ELOVL6: variants seen among roughly 807,000 people sequenced by gnomAD.
The protein encoded by ELOVL6 is ELOVL fatty acid elongase 6, also known as very long chain fatty acid elongase 6.
Under a neutral mutation model 31.7 loss-of-function variants are expected in ELOVL6, and 8 were observed. The ratio of observed to expected loss-of-function variants is 0.25; its 90% CI spans 0.15 to 0.45. ELOVL6 has a LOEUF of 0.45. Ranked by LOEUF, ELOVL6 falls within the 20% of genes least tolerant of loss-of-function variation. ELOVL6 has a pLI of 1.00. For missense variants in ELOVL6, 126 were observed against 326.4 expected (o/e 0.39, Z 4.73); for synonymous variants, 101 against 117.7 (o/e 0.86, Z 0.92).
At chr4:110,175,857 T>C (rs1028701775) in intron 1 of ELOVL6, among the ~76,000 whole-genome samples, 26 of 152,208 alleles carry the variant, frequency 1.7e-4, no homozygotes, top group African/African-American at 6.0e-4. Flanking sequence ...TGATGAATGA[T>C]AGATTCCAGT....
At chr4:110,163,543 G>C (rs1363211524) in intron 1 of ELOVL6, among the ~76,000 whole-genome samples, 1 of 152,158 alleles carries the variant, frequency 6.6e-6, no homozygotes, top group East Asian at 1.9e-4. Flanking sequence ...AACAGTTATG[G>C]ACTGACCGCA....
intron 2 of ELOVL6, among the ~76,000 whole-genome samples, chr4:110,084,091 A>G (rs1251644100): frequency 9.1e-6 from 1 of 109,846 alleles, no homozygotes; most frequent in Non-Finnish European, 2.0e-5. Context: ...TATGATATAT[A>G]ACATATATAT....
rs181929621 is a variant in ELOVL6, at chr4:110,115,588, A to G, written c.90-9960T>C. Among the ~76,000 whole-genome samples, 12 of 152,298 alleles carry G rather than the reference A, an allele frequency of 7.9e-5. No individual in the cohort carries two copies. In the South Asian group the frequency reaches 2.1e-3, roughly 26 times the overall value. On this transcript the variant is annotated intron_variant, in intron 1 of 3. Transcript: ENST00000302274. ...GTGAGAACCTGTCTCTACAAAAAAA[A>G]ACTTCCAGAAATAATAATAATATGG...
chr4:110,075,035 C>T (rs371723227), intron 2 of ELOVL6, among the ~76,000 whole-genome samples: 2 of 152,292 alleles, frequency 1.3e-5, no homozygotes, highest in African/African-American at 4.8e-5. Context: ...TGAAAAGATG[C>T]TCAACCTCAC....
intron 1 of ELOVL6, among the ~76,000 whole-genome samples, chr4:110,126,515 C>T (rs2126255725): frequency 6.6e-6 from 1 of 152,258 alleles, no homozygotes; most frequent in East Asian, 1.9e-4. Flanking sequence ...CCAGTTTCCT[C>T]CAAACTTCTA....
At chr4:110,061,071 T>C (rs17041315) in intron 2 of ELOVL6, among the ~76,000 whole-genome samples, 15,649 of 152,218 alleles carry the variant, frequency 0.1, 996 homozygotes, top group East Asian at 0.26. Context: ...CTCCATCAAA[T>C]GGTGTTACTC....
intron 2 of ELOVL6, among the ~76,000 whole-genome samples, chr4:110,103,252 T>C (rs1479727182): frequency 6.6e-6 from 1 of 152,020 alleles, no homozygotes; most frequent in East Asian, 1.9e-4. Context: ...TGATTCCAGT[T>C]CTGGACAAGA....
intron 1 of ELOVL6, among the ~76,000 whole-genome samples, chr4:110,180,940 C>T (rs527791587): frequency 5.5e-4 from 84 of 152,208 alleles, no homozygotes; most frequent in Non-Finnish European, 1.0e-3. Context: ...AATTCAAGAC[C>T]AGCCCAGGCC....
chr4:110,166,406 AT>A lies in ELOVL6; in HGVS notation c.89+31840del, dbSNP rs1314138405. 4.6e-5 allele frequency among the ~76,000 whole-genome samples: 7 copies of A among 152,180 alleles called. No individual in the cohort carries two copies. The East Asian group carries it at 1.4e-3, about 29-fold the overall frequency. On this transcript the variant is annotated intron_variant, in intron 1 of 3. Transcript: ENST00000302274. ...GGCAGGTGGATCACGAGGTCAAGAGATCGAGACCATCCCGGCCAACAACCGT... is the reference window on the plus strand; with the variant it reads ...GGCAGGTGGATCACGAGGTCAAGAGACGAGACCATCCCGGCCAACAACCGT...
At chr4:110,078,582 G>T (rs1755727241) in intron 2 of ELOVL6, among the ~76,000 whole-genome samples, 2 of 152,046 alleles carry the variant, frequency 1.3e-5, no homozygotes, top group Admixed American at 6.6e-5. Context: ...AAGAGCTCCT[G>T]AAGGAAGCAC....
intron 1 of ELOVL6, among the ~76,000 whole-genome samples, chr4:110,130,870 T>A (rs1757646837): frequency 1.3e-5 from 2 of 152,218 alleles, no homozygotes; most frequent in South Asian, 4.1e-4. Context: ...TGTGCATGGG[T>A]CTGTATTTAG....
At chr4:110,128,414 G>A (rs930095941) in intron 1 of ELOVL6, among the ~76,000 whole-genome samples, 8 of 152,256 alleles carry the variant, frequency 5.3e-5, no homozygotes, top group South Asian at 2.1e-4. Flanking sequence ...ATGAAGTCAC[G>A]TGCTTGGATT....
chr4:110,096,839 TATA>T (rs1290752684), intron 2 of ELOVL6, among the ~76,000 whole-genome samples: 1 of 152,182 alleles, frequency 6.6e-6, no homozygotes, highest in Non-Finnish European at 1.5e-5. Context: ...TTGATATTAA[TATA>T]ATAAATAGCT....
At chr4:110,063,410 G>C (rs1755203022) in intron 2 of ELOVL6, among the ~76,000 whole-genome samples, 1 of 151,428 alleles carries the variant, frequency 6.6e-6, no homozygotes, top group Non-Finnish European at 1.5e-5. Flanking sequence ...TGGGGTCAAG[G>C]AGGGACAGCC....
intron 1 of ELOVL6, among the ~76,000 whole-genome samples, chr4:110,195,906 G>A (rs1241009984): frequency 6.6e-6 from 1 of 152,184 alleles, no homozygotes; most frequent in Non-Finnish European, 1.5e-5. Context: ...TAATAACCAT[G>A]TATATAACAG....
intron 1 of ELOVL6, among the ~76,000 whole-genome samples, chr4:110,183,873 T>C (rs1480196413): frequency 6.6e-6 from 1 of 152,074 alleles, no homozygotes; most frequent in Non-Finnish European, 1.5e-5. Flanking sequence ...TCCCAGCTAT[T>C]TGGAAGGCTG....
intron 1 of ELOVL6, among the ~76,000 whole-genome samples, chr4:110,124,735 T>C (rs1465163722): frequency 2.6e-5 from 4 of 152,174 alleles, no homozygotes; most frequent in Non-Finnish European, 4.4e-5. Flanking sequence ...AATGTGTTTA[T>C]TGTTCTTTCA....
chr4:110,057,150 C>T (rs947546249), intron 3 of ELOVL6, among the ~76,000 whole-genome samples: 10 of 152,156 alleles, frequency 6.6e-5, no homozygotes, highest in Non-Finnish European at 1.5e-4. Flanking sequence ...TCAAGTACCT[C>T]AAATACAGCT....
chr4:110,188,208 A>C (rs2126280695), intron 1 of ELOVL6, among the ~76,000 whole-genome samples: 1 of 152,340 alleles, frequency 6.6e-6, no homozygotes, highest in African/African-American at 2.4e-5. Flanking sequence ...AGAAATTAAT[A>C]TCACAGAGCA....
Sources: allele counts gnomAD v4.1 joint callset (sites outside exome capture counted in the v4.1 genomes callset), GRCh38; gene constraint gnomAD v4.1.1; transcripts MANE v1.5; gene names NCBI Gene and HGNC (gene_info 2026-07-23, HGNC 2026-07-21).